Variants in ZSCAN20 observed in about 807,000 individuals in gnomAD.
ZSCAN20 encodes the protein zinc finger and SCAN domain containing 20, also known as zinc finger and SCAN domain-containing protein 20.
Under a neutral mutation model 97.1 loss-of-function variants are expected in ZSCAN20, and 39 were observed. The ratio of observed to expected loss-of-function variants is 0.40; its 90% CI spans 0.31 to 0.52. ZSCAN20 has a LOEUF of 0.52. Ranked by LOEUF, ZSCAN20 falls within the 20% of genes least tolerant of loss-of-function variation. The pLI is 0.49. For synonymous variants in ZSCAN20, 456 were observed against 467.3 expected, an observed-to-expected ratio of 0.98 and a Z score of 0.31; for missense variants, 1,115 against 1,290.4, an observed-to-expected ratio of 0.86 and a Z score of 2.08.
chr1:33,495,341 C>G lies in ZSCAN20; in HGVS notation c.2997C>G (p.Ser999Arg). The G allele has an allele frequency of 6.2e-7, 1 of 1,613,294 alleles. No individual in the cohort carries two copies. Among genetic ancestry groups the G allele is most frequent in the Non-Finnish European group, 8.5e-7 (1 of 1,179,562 alleles). ...AGTGTGGGAAATGCTTTAACCAGAG[C>G]TCCAGTCTTATTATTCACCAGAGAA... The part of the protein sequence containing the change: ...CRECGKCFNQ[S>R]SSLIIHQRIH... The change falls in exon 8 of 8, where the codon AGC (serine) becomes AGG (arginine). Residue 999 changes from serine to arginine, a missense_variant. Around this residue, in one of 3 missense-constraint regions of ZSCAN20, gnomAD observed 554 missense variants for 584.9 expected, o/e 0.95. Coordinates refer to ENST00000684572, the MANE Select transcript of ZSCAN20 (RefSeq NM_001377376.1).
Position 33,497,861 on chromosome 1 carries a change from A to G in ZSCAN20, c.*2385A>G, listed in dbSNP as rs911097516. On this transcript the variant is annotated 3_prime_UTR_variant, in exon 8 of 8. Coordinates refer to ENST00000684572, the MANE Select transcript of ZSCAN20 (RefSeq NM_001377376.1). ...AGAGGCTGATAGAGCAGGAGGGCAG[A>G]AGATGAGAAGTTTAGTTTGGTATGT... 2.0e-5 allele frequency among the ~76,000 whole-genome samples: 3 copies of G among 152,166 alleles called. No individual in the cohort carries two copies. The highest frequency in any genetic ancestry group is 2.9e-5 in the Non-Finnish European group (2 of 68,034).
intron 2 of ZSCAN20, among the ~76,000 whole-genome samples, chr1:33,488,053 A>G (rs1044931254): frequency 2.6e-5 from 4 of 152,064 alleles, no homozygotes; most frequent in Non-Finnish European, 5.9e-5. Context: ...TTATAATTTT[A>G]TATTTTTTTC....
chr1:33,477,623 C>T (rs1651984031), intron 1 of ZSCAN20, among the ~76,000 whole-genome samples: 3 of 150,092 alleles, frequency 2.0e-5, no homozygotes, highest in Non-Finnish European at 3.0e-5. Context: ...AAAGGAATTC[C>T]TTTTGGCATG....
intron 1 of ZSCAN20, among the ~76,000 whole-genome samples, chr1:33,472,918 C>T (rs530200876): frequency 6.6e-6 from 1 of 151,128 alleles, no homozygotes; most frequent in South Asian, 2.1e-4. Context: ...ATGAGGAGGG[C>T]CTTAGAAGGG....
rs780433493 is a variant in ZSCAN20, at chr1:33,494,532, C to T, written c.2188C>T (p.Arg730Ter). The change falls in exon 8 of 8, where the codon CGA (arginine) becomes TGA (stop). Residue 730 changes from arginine (R) to a stop codon, truncating the protein, a stop_gained. Transcript: ENST00000684572. LOFTEE classifies it high-confidence loss of function. ...SRSSHFIAHQ[R>*]IHTGEKPYKC... ...GAGCTCCCACTTCATTGCCCATCAG[C>T]GAATCCACACAGGTGAGAAGCCCTA... 5 of 1,614,142 alleles carry T rather than the reference C, an allele frequency of 3.1e-6. No homozygotes were observed. The highest frequency in any genetic ancestry group is 2.7e-5 in the African/African-American group (2 of 75,016).
At position 33,479,253 on chromosome 1, in the gene ZSCAN20, G is replaced by A; in HGVS notation, c.-36G>A. The A allele has an allele frequency of 6.4e-7, 1 of 1,557,772 alleles. No homozygotes were observed. Among genetic ancestry groups the A allele is most frequent in the Non-Finnish European group, 8.7e-7 (1 of 1,149,670 alleles). On this transcript the variant is annotated 5_prime_UTR_variant, in exon 2 of 8. Coordinates refer to ENST00000684572, the MANE Select transcript of ZSCAN20 (RefSeq NM_001377376.1). ...TAGATGCAGGAAGACATTGGATGAG[G>A]TCAGCATAGCTGAAGTGAGGTGTCT...
chr1:33,474,387 T>C (rs773615191), intron 1 of ZSCAN20, among the ~76,000 whole-genome samples: 1 of 152,226 alleles, frequency 6.6e-6, no homozygotes, highest in Non-Finnish European at 1.5e-5. Flanking sequence ...CAGACCAGTC[T>C]TGGCCTTTCC....
chr1:33,490,262 A>G (rs957523158), intron 5 of ZSCAN20, among the ~76,000 whole-genome samples: 2 of 152,192 alleles, frequency 1.3e-5, no homozygotes, highest in African/African-American at 2.4e-5. Flanking sequence ...AATAGTGTTC[A>G]AAGGAACAGA....
rs1653025508 is a variant in ZSCAN20, at chr1:33,500,402, AGT to A, written c.*4927_*4928del. On this transcript the variant is annotated 3_prime_UTR_variant, in exon 8 of 8. Transcript: ENST00000684572. Reference sequence around the variant, plus strand: ...AGAGACAGAGAGTTTGAGAGGTCCCAGTTCTTTTCAGTGTGTGTTTGGTTCCC... The same window carrying A: ...AGAGACAGAGAGTTTGAGAGGTCCCATCTTTTCAGTGTGTGTTTGGTTCCC... Among the ~76,000 whole-genome samples the A allele has an allele frequency of 4.1e-5, 1 of 24,226 alleles. No individual in the cohort carries two copies. The highest frequency in any genetic ancestry group is 9.6e-5 in the Non-Finnish European group (1 of 10,378). 15.9% of individuals were successfully genotyped at this position (24,226 alleles called of 152,430 possible). A position where few individuals can be genotyped will look rare whatever the true frequency, so the allele number is the denominator to read the frequency against.
chr1:33,487,017 A>C (rs1350238459), intron 2 of ZSCAN20, among the ~76,000 whole-genome samples: 1 of 152,262 alleles, frequency 6.6e-6, no homozygotes, highest in African/African-American at 2.4e-5. Context: ...TTGGTTCAAA[A>C]AAATAAGACT....
At chr1:33,489,985 G>A (rs1652533833) in intron 5 of ZSCAN20, among the ~76,000 whole-genome samples, 1 of 152,150 alleles carries the variant, frequency 6.6e-6, no homozygotes, top group South Asian at 2.1e-4. Context: ...AAACCCAATA[G>A]GAATAAATAT....
At position 33,497,048 on chromosome 1, in the gene ZSCAN20, G is replaced by A. The variant is rs367774657; in HGVS notation, c.*1572G>A. On this transcript the variant is annotated 3_prime_UTR_variant, in exon 8 of 8. Coordinates refer to ENST00000684572, the MANE Select transcript of ZSCAN20 (RefSeq NM_001377376.1). ...TGCCATCCTCTTATGACACTAGGAT[G>A]TATTCATAACCTGCTTGGTTCATGG... 6.6e-6 allele frequency among the ~76,000 whole-genome samples: 1 copy of A among 152,304 alleles called. No individual in the cohort carries two copies. Among genetic ancestry groups the A allele is most frequent in the Non-Finnish European group, 1.5e-5 (1 of 68,032 alleles).
In ZSCAN20 at chr1:33,496,238, A is replaced by C. The variant is rs1652859002; in HGVS notation, c.*762A>C. 1 of 152,218 alleles carries C rather than the reference A, an allele frequency of 6.6e-6. No individual in the cohort carries two copies. Among genetic ancestry groups the C allele is most frequent in the South Asian group, 2.1e-4 (1 of 4,830 alleles). 9.4% of individuals were successfully genotyped at this position (152,218 alleles called of 1,614,324 possible). A position where few individuals can be genotyped will look rare whatever the true frequency, so the allele number is the denominator to read the frequency against. On this transcript the variant is annotated 3_prime_UTR_variant, in exon 8 of 8. Transcript: ENST00000684572. The stretch of plus-strand genomic sequence containing the variant: ...TTGAGTCTATCGTGCTCTTATTGCT[A>C]TACTGAATTCCCATTCATGTTAGGT...
chr1:33,490,815 A>G (rs1349275505), intron 5 of ZSCAN20, among the ~76,000 whole-genome samples: 1 of 152,208 alleles, frequency 6.6e-6, no homozygotes, highest in Non-Finnish European at 1.5e-5. Context: ...CAACAAACAA[A>G]TGAACAAAGT....
At chr1:33,490,988 G>C in intron 5 of ZSCAN20, 37 bp from the exon 6 acceptor site, 1 of 1,543,076 alleles carries the variant, frequency 6.5e-7, no homozygotes, top group Non-Finnish European at 8.7e-7. Flanking sequence ...CCGCTCAACA[G>C]ACCATTTCTA....
In ZSCAN20 at chr1:33,495,103, A is replaced by G. The variant is rs745872064; in HGVS notation, c.2759A>G (p.Asn920Ser). ...TTCAGTAAGAGCTCCACCCTGGCCA[A>G]CCACCAGCGCACCCACACTGGAGAG... is the stretch of plus-strand genomic sequence containing the variant. ...KSFSKSSTLANHQRTHTGEKP... is the reference protein window; with the variant it reads ...KSFSKSSTLASHQRTHTGEKP... The change falls in exon 8 of 8, where the codon AAC becomes AGC. Residue 920 changes from asparagine to serine, a missense_variant. Around this residue, in one of 3 missense-constraint regions of ZSCAN20, gnomAD observed 554 missense variants for 584.9 expected, o/e 0.95. Transcript: ENST00000684572. The G allele has an allele frequency of 1.2e-6, 2 of 1,609,090 alleles. No homozygotes were observed. The highest frequency in any genetic ancestry group is 1.7e-6 in the Non-Finnish European group (2 of 1,176,738).
In ZSCAN20 at chr1:33,493,253, C is replaced by T. The variant is rs369664490; in HGVS notation, c.1511C>T (p.Ser504Leu). ...GCAATTCTCAGTGAGTCCCCATTCTCGGAAAAGCTTCGTACCTGTCACCAG... is the reference window on the plus strand; with the variant it reads ...GCAATTCTCAGTGAGTCCCCATTCTTGGAAAAGCTTCGTACCTGTCACCAG... ...FLAILSESPF[S>L]EKLRTCHQNS... The change falls in exon 7 of 8, where the codon TCG (serine) becomes TTG (leucine). Residue 504 changes from serine (S) to leucine (L), a missense_variant. Physicochemically the swap from Ser to Leu is moderately radical, Grantham distance 145. Coordinates refer to ENST00000684572, the MANE Select transcript of ZSCAN20 (RefSeq NM_001377376.1). This position sits in a 1 kb window ranked among gnomAD's most constrained non-coding sequence, Gnocchi z 4.3. The T allele has an allele frequency of 1.6e-5, 26 of 1,614,080 alleles. No individual in the cohort carries two copies. The highest frequency in any genetic ancestry group is 1.0e-4 in the Admixed American group (6 of 60,012).
intron 2 of ZSCAN20, among the ~76,000 whole-genome samples, chr1:33,486,224 T>C (rs1158907514): frequency 6.6e-6 from 1 of 152,226 alleles, no homozygotes; most frequent in Non-Finnish European, 1.5e-5. Context: ...GTTGAGCTCC[T>C]GGAGATAAAA....
In ZSCAN20 at chr1:33,477,983, A is replaced by G. The variant is rs189619309; in HGVS notation, c.-110-1196A>G. 6.2e-4 allele frequency among the ~76,000 whole-genome samples: 95 copies of G among 152,198 alleles called. 1 individual carries two copies. The highest frequency in any genetic ancestry group is 2.1e-3 in the East Asian group (11 of 5,140). On this transcript the variant is annotated intron_variant, in intron 1 of 7. Transcript: ENST00000684572. Reference sequence around the variant, plus strand: ...TGAAGGAAGGGAGGAGACCATTCCCAAAGGAGACCTTCCCAAAGAGGGGAA... The same window carrying G: ...TGAAGGAAGGGAGGAGACCATTCCCGAAGGAGACCTTCCCAAAGAGGGGAA...
Sources: allele counts gnomAD v4.1 joint callset (sites outside exome capture counted in the v4.1 genomes callset), GRCh38; gene constraint gnomAD v4.1.1; regional missense constraint gnomAD v4.1.1; non-coding constraint Gnocchi (gnomAD v3.1); transcripts MANE v1.5; gene names NCBI Gene and HGNC (gene_info 2026-07-23, HGNC 2026-07-21).